LEPROTL1: variants seen among roughly 807,000 people sequenced by gnomAD.
The protein encoded by LEPROTL1 is leptin receptor overlapping transcript like 1.
Under a neutral mutation model 15.4 loss-of-function variants are expected in LEPROTL1, and 6 were observed. The observed-to-expected ratio is 0.39, with a 90% CI of 0.21 to 0.77. The LOEUF (loss-of-function observed/expected upper bound fraction) is 0.77, where lower values mean the gene tolerates loss of function less well. Among genes scored for constraint, LEPROTL1 ranks in the 30% least tolerant of loss-of-function variants. The pLI is 0.41. For missense variants in LEPROTL1, 128 were observed against 158.1 expected (o/e 0.81, Z 1.02); for synonymous variants, 56 against 52.6 (o/e 1.06, Z -0.28).
chr8:30,136,518 C>G (rs1010761276), intron 4 of LEPROTL1, among the ~76,000 whole-genome samples: 1 of 152,164 alleles, frequency 6.6e-6, no homozygotes, highest in African/African-American at 2.4e-5. Flanking sequence ...ACTAGCAGAG[C>G]CCCCCATTCC....
chr8:30,115,527 C>T (rs567124405), intron 3 of LEPROTL1, among the ~76,000 whole-genome samples: 58 of 147,034 alleles, frequency 3.9e-4, no homozygotes, highest in African/African-American at 1.4e-3. Flanking sequence ...CACGCACCAC[C>T]ATGCCTGGCT....
chr8:30,112,963 G>A (rs192637838), downstream of LEPROTL1, among the ~76,000 whole-genome samples: 7 of 151,974 alleles, frequency 4.6e-5, no homozygotes, highest in South Asian at 6.2e-4. Context: ...CTCCTGCACC[G>A]AATCTTAGAA....
chr8:30,106,957 C>T lies in LEPROTL1; in HGVS notation c.*1095C>T. 1 of 985,644 alleles carries T rather than the reference C, an allele frequency of 1.0e-6. No individual in the cohort carries two copies. The highest frequency in any genetic ancestry group is 1.2e-6 in the Non-Finnish European group (1 of 829,812). 61.1% of individuals were successfully genotyped at this position (985,644 alleles called of 1,614,324 possible). On this transcript the variant is annotated 3_prime_UTR_variant, in exon 4 of 4. Transcript: ENST00000321250. Reference sequence around the variant, plus strand: ...GCCGTACATTCAGAGTGCCCCCTCCCCTGCAAGGCCTTGCCATGATTAACA... The same window carrying T: ...GCCGTACATTCAGAGTGCCCCCTCCTCTGCAAGGCCTTGCCATGATTAACA...
At chr8:30,122,763 G>A (rs1439987503) in intron 3 of LEPROTL1, among the ~76,000 whole-genome samples, 1 of 152,116 alleles carries the variant, frequency 6.6e-6, no homozygotes, top group Non-Finnish European at 1.5e-5. Flanking sequence ...CCACTGCACT[G>A]CAGCATGGGC....
At chr8:30,099,599 T>TAAA (rs71204264) in intron 1 of LEPROTL1, among the ~76,000 whole-genome samples, 2 of 112,474 alleles carry the variant, frequency 1.8e-5, no homozygotes, top group South Asian at 2.8e-4. Flanking sequence ...AGACTCCATT[T>TAAA]AAAAAAAAAA....
chr8:30,117,641 A>G (rs1585472743), intron 3 of LEPROTL1: 1 of 1,485,494 alleles, frequency 6.7e-7, no homozygotes, highest in East Asian at 2.3e-5. Flanking sequence ...CGCCAATGTA[A>G]CCATGCTTCA....
chr8:30,115,235 T>A (rs1802719911), intron 3 of LEPROTL1, among the ~76,000 whole-genome samples: 2 of 151,924 alleles, frequency 1.3e-5, no homozygotes, highest in East Asian at 1.9e-4. Context: ...GGTGCCGCTG[T>A]GGTCCCATCT....
chr8:30,113,814 C>T (rs1802691685), intron 3 of LEPROTL1, among the ~76,000 whole-genome samples: 1 of 152,138 alleles, frequency 6.6e-6, no homozygotes, highest in Non-Finnish European at 1.5e-5. Context: ...AGGGGGTCTC[C>T]ATGCAAAGAG....
chr8:30,131,296 A>ATATGTGTATGTG (rs367717206), intron 3 of LEPROTL1, among the ~76,000 whole-genome samples: 15 of 123,914 alleles, frequency 1.2e-4, no homozygotes, highest in African/African-American at 3.9e-4. Flanking sequence ...ATATATATAT[A>ATATGTGTATGTG]TGTGTGTGTG....
chr8:30,101,670 C>CAAAAAAA (rs11316779), intron 1 of LEPROTL1, among the ~76,000 whole-genome samples: 6 of 52,708 alleles, frequency 1.1e-4, no homozygotes, highest in African/African-American at 1.4e-4. Flanking sequence ...CTCCATCTCA[C>CAAAAAAA]AAAAAAAAAA....
At chr8:30,113,456 T>C (rs148039493), downstream of LEPROTL1, among the ~76,000 whole-genome samples, 2 of 152,162 alleles carry the variant, frequency 1.3e-5, no homozygotes, top group Non-Finnish European at 2.9e-5. Flanking sequence ...CCATAAAAGT[T>C]GGGACCCCTG....
At chr8:30,118,917 A>G (rs764896997) in intron 3 of LEPROTL1, among the ~76,000 whole-genome samples, 1 of 152,312 alleles carries the variant, frequency 6.6e-6, no homozygotes, top group Non-Finnish European at 1.5e-5. Context: ...ATTGCTGCCA[A>G]CATGTCTCGC....
rs1487194284 is a variant in LEPROTL1 at position 30,106,206 on chromosome 8, C to T, written c.*344C>T. On this transcript the variant is annotated 3_prime_UTR_variant, in exon 4 of 4. Coordinates refer to ENST00000321250, the MANE Select transcript of LEPROTL1 (RefSeq NM_015344.3). ...AACACTTTTTTAATGTAATCATTTG[C>T]ATTGGTTAGGAATTCAGAATTCCGC... 1.0e-6 allele frequency: 1 copy of T among 986,428 alleles called. No homozygotes were observed. The highest frequency in any genetic ancestry group is 1.7e-5 in the African/African-American group (1 of 57,212). The allele number at this position is 986,428 out of a possible 1,614,324, so 61.1% of individuals were successfully genotyped here.
Position 30,108,138 on chromosome 8 carries a change from A to G in LEPROTL1, c.*2276A>G. On this transcript the variant is annotated 3_prime_UTR_variant, in exon 4 of 4. Transcript: ENST00000321250. ...CATTCTGAAGTGCATTAACATTCTAATAAGGTGATGTAAAGCAAGATGACA... is the reference window on the plus strand; with the variant it reads ...CATTCTGAAGTGCATTAACATTCTAGTAAGGTGATGTAAAGCAAGATGACA... The G allele has an allele frequency of 2.4e-6, 1 of 408,470 alleles. No homozygotes were observed. The highest frequency in any genetic ancestry group is 3.3e-6 in the Non-Finnish European group (1 of 302,710). 25.3% of individuals were successfully genotyped at this position (408,470 alleles called of 1,614,324 possible). A position where few individuals can be genotyped will look rare whatever the true frequency, so the allele number is the denominator to read the frequency against.
intron 3 of LEPROTL1, chr8:30,132,324 GC>G: frequency 6.4e-7 from 1 of 1,551,748 alleles, no homozygotes; most frequent in African/African-American, 1.4e-5. Context: ...ATCGAGCTGT[GC>G]TTTGGTTCCA....
intron 4 of LEPROTL1, among the ~76,000 whole-genome samples, chr8:30,136,404 C>T (rs900770457): frequency 3.3e-5 from 5 of 152,178 alleles, no homozygotes; most frequent in Admixed American, 2.0e-4. Context: ...GCCCTGCTGA[C>T]GTCATCATCA....
intron 1 of LEPROTL1, among the ~76,000 whole-genome samples, chr8:30,099,132 A>G (rs555436425): frequency 3.3e-5 from 5 of 152,172 alleles, no homozygotes; most frequent in African/African-American, 1.2e-4. Flanking sequence ...ATTAAAAATC[A>G]TTTTCTTCTC....
intron 1 of LEPROTL1, chr8:30,095,747 C>T: frequency 1.4e-6 from 1 of 696,508 alleles, no homozygotes; most frequent in Non-Finnish European, 2.6e-6. Context: ...CCCCGCAGCC[C>T]CCACTTTCTG....
intron 3 of LEPROTL1, among the ~76,000 whole-genome samples, chr8:30,115,189 C>T (rs1802718583): frequency 6.6e-6 from 1 of 151,926 alleles, no homozygotes; most frequent in South Asian, 2.1e-4. Flanking sequence ...TATGATAAGC[C>T]TCATCTCTAT....
Sources: allele counts gnomAD v4.1 joint callset (sites outside exome capture counted in the v4.1 genomes callset), GRCh38; gene constraint gnomAD v4.1.1; transcripts MANE v1.5; gene names NCBI Gene and HGNC (gene_info 2026-07-23, HGNC 2026-07-21).